Variants in KLF13 observed in about 807,000 individuals in gnomAD.
The protein encoded by KLF13 is KLF transcription factor 13.
In KLF13, 8 loss-of-function variants were observed where a neutral mutation model predicts 16.7. The ratio of observed to expected loss-of-function variants is 0.48; its 90% CI spans 0.28 to 0.87. KLF13 has a LOEUF of 0.87. Among genes scored for constraint, KLF13 ranks in the 40% least tolerant of loss-of-function variants. The pLI, the probability that KLF13 is intolerant of heterozygous loss-of-function variation, is 0.10. For synonymous variants in KLF13, 245 were observed against 208.4 expected, an observed-to-expected ratio of 1.18 and a Z score of -1.51; for missense variants, 447 against 452.2, an observed-to-expected ratio of 0.99 and a Z score of 0.10.
At chr15:31,329,631 C>T (rs933787488) in intron 1 of KLF13, among the ~76,000 whole-genome samples, 2 of 152,176 alleles carry the variant, frequency 1.3e-5, no homozygotes, top group Non-Finnish European at 2.9e-5. Flanking sequence ...CGCAGGGGCT[C>T]TGGAGACCCG....
chr15:31,328,720 A>C (rs2038769324), intron 1 of KLF13, among the ~76,000 whole-genome samples: 1 of 152,184 alleles, frequency 6.6e-6, no homozygotes, highest in Non-Finnish European at 1.5e-5. Context: ...TTTGTAGTTG[A>C]TTCATCTGTG....
chr15:31,328,007 G>T (rs2038750675), intron 1 of KLF13, among the ~76,000 whole-genome samples: 1 of 147,736 alleles, frequency 6.8e-6, no homozygotes, highest in Non-Finnish European at 1.5e-5. Context: ...CCAGGCGACC[G>T]CGCCCCCGCC....
At chr15:31,339,112 T>C (rs1043831187) in intron 1 of KLF13, among the ~76,000 whole-genome samples, 1 of 152,160 alleles carries the variant, frequency 6.6e-6, no homozygotes, top group Non-Finnish European at 1.5e-5. Flanking sequence ...TCCCTGCTCA[T>C]GGTCAGGGTC....
intron 1 of KLF13, among the ~76,000 whole-genome samples, chr15:31,365,706 G>A (rs2039457618): frequency 1.3e-5 from 2 of 152,164 alleles, no homozygotes; most frequent in Admixed American, 1.3e-4. Flanking sequence ...TTGCGCAGGA[G>A]GGCAGAGCAG....
At chr15:31,415,658 T>C (rs1465226349) in intron 1 of KLF13, among the ~76,000 whole-genome samples, 1 of 152,188 alleles carries the variant, frequency 6.6e-6, no homozygotes, top group Non-Finnish European at 1.5e-5. Flanking sequence ...GAGGGAAATT[T>C]ATAGCTGTAA....
At chr15:31,337,097 G>A (rs886243761) in intron 1 of KLF13, among the ~76,000 whole-genome samples, 1 of 152,208 alleles carries the variant, frequency 6.6e-6, no homozygotes, top group Non-Finnish European at 1.5e-5. Context: ...GACTGTCCAT[G>A]TCTGGTTTGT....
chr15:31,329,005 C>T (rs924834478), intron 1 of KLF13, among the ~76,000 whole-genome samples: 6 of 152,074 alleles, frequency 3.9e-5, no homozygotes, highest in East Asian at 1.9e-4. Context: ...CCTTGGATAC[C>T]CTAGAGCTGA....
Position 31,372,541 on chromosome 15 carries a change from C to G in KLF13, c.*242C>G, listed in dbSNP as rs967691639. 1 of 522,850 alleles carries G rather than the reference C, an allele frequency of 1.9e-6. No homozygotes were observed. The highest frequency in any genetic ancestry group is 3.3e-6 in the Non-Finnish European group (1 of 303,752). 32.4% of individuals were successfully genotyped at this position (522,850 alleles called of 1,614,324 possible). On this transcript the variant is annotated 3_prime_UTR_variant, in exon 2 of 2. Coordinates refer to ENST00000307145, the MANE Select transcript of KLF13 (RefSeq NM_015995.4). ...GTTGAGATTCAGCGTTGTTGAACCC[C>G]CTTTCTCAGGGATGGACACGTTTCA...
chr15:31,358,927 G>A (rs1488725625), intron 1 of KLF13, among the ~76,000 whole-genome samples: 1 of 152,218 alleles, frequency 6.6e-6, no homozygotes, highest in African/African-American at 2.4e-5. Flanking sequence ...GGAAAGGCGG[G>A]GGCAGTGGGG....
At chr15:31,339,848 A>G in intron 1 of KLF13, 1 of 671,660 alleles carries the variant, frequency 1.5e-6, no homozygotes, top group Non-Finnish European at 2.8e-6. Flanking sequence ...GGAGTGCCCC[A>G]GGTGGCACTT....
At chr15:31,411,721 A>T (rs76660613) in intron 1 of KLF13, among the ~76,000 whole-genome samples, 16,151 of 152,038 alleles carry the variant, frequency 0.11, 2,985 homozygotes, top group African/African-American at 0.37. Flanking sequence ...AAAATTTTTT[A>T]AAAAAGAAAA....
At chr15:31,428,770 T>C (rs1405596388) in intron 1 of KLF13, among the ~76,000 whole-genome samples, 1 of 119,834 alleles carries the variant, frequency 8.3e-6, no homozygotes, top group African/African-American at 3.2e-5. Flanking sequence ...GCCACTGCAG[T>C]CTGGCCTGGG....
At chr15:31,414,083 G>C (rs1286637391) in intron 1 of KLF13, among the ~76,000 whole-genome samples, 1 of 152,062 alleles carries the variant, frequency 6.6e-6, no homozygotes, top group East Asian at 1.9e-4. Flanking sequence ...CACAGAAATG[G>C]GGGACATGGA....
At chr15:31,419,119 C>A (rs148336190) in intron 1 of KLF13, among the ~76,000 whole-genome samples, 3 of 152,130 alleles carry the variant, frequency 2.0e-5, no homozygotes, top group South Asian at 2.1e-4. Context: ...TGCATCCCCC[C>A]AGAAAAGGCT....
At chr15:31,397,526 G>A (rs968343921) in intron 2 of KLF13, among the ~76,000 whole-genome samples, 3 of 152,244 alleles carry the variant, frequency 2.0e-5, no homozygotes, top group African/African-American at 7.2e-5. Context: ...CAAGGGAGGG[G>A]CGCTGGGAAG....
chr15:31,408,990 A>T (rs981896593), downstream of KLF13, among the ~76,000 whole-genome samples: 11 of 152,284 alleles, frequency 7.2e-5, no homozygotes, highest in Non-Finnish European at 1.5e-4. Flanking sequence ...AAACAGTTTT[A>T]AAAAAACAAA....
chr15:31,331,965 C>T (rs1230619882), intron 1 of KLF13, among the ~76,000 whole-genome samples: 1 of 152,246 alleles, frequency 6.6e-6, no homozygotes, highest in East Asian at 1.9e-4. Flanking sequence ...TTCTTTTTCA[C>T]AGCCGCATGG....
At chr15:31,347,691 C>T (rs1233415037) in intron 1 of KLF13, among the ~76,000 whole-genome samples, 2 of 152,200 alleles carry the variant, frequency 1.3e-5, no homozygotes, top group Non-Finnish European at 2.9e-5. Context: ...AAGTGGGTGT[C>T]ACAGTGGCTG....
chr15:31,345,769 G>C (rs181760361), intron 1 of KLF13, among the ~76,000 whole-genome samples: 37 of 152,270 alleles, frequency 2.4e-4, no homozygotes, highest in Non-Finnish European at 5.0e-4. Context: ...GTTCTGACCC[G>C]GGTGTCTGCC....
Sources: allele counts gnomAD v4.1 joint callset (sites outside exome capture counted in the v4.1 genomes callset), GRCh38; gene constraint gnomAD v4.1.1; transcripts MANE v1.5; gene names NCBI Gene and HGNC (gene_info 2026-07-23, HGNC 2026-07-21).